The following FSTL5 variants were observed in gnomAD, a reference collection of about 807,000 sequenced individuals.
The protein encoded by FSTL5 is follistatin-related protein 5.
In FSTL5, 62 loss-of-function variants were observed where a neutral mutation model predicts 89.1. That is an observed-to-expected ratio of 0.70 (90% confidence interval 0.57 to 0.86). The LOEUF (loss-of-function observed/expected upper bound fraction) is 0.86. Among genes scored for constraint, FSTL5 ranks in the 40% least tolerant of loss-of-function variants. The pLI is 0.00. For missense variants in FSTL5, 1,057 were observed against 1,001.6 expected (o/e 1.06, Z -0.75); for synonymous variants, 383 against 346.2 (o/e 1.11, Z -1.18).
chr4:161,935,672 A>G (rs950822007), intron 3 of FSTL5, among the ~76,000 whole-genome samples: 3 of 152,050 alleles, frequency 2.0e-5, no homozygotes, highest in Non-Finnish European at 2.9e-5. Context: ...CCTCCTTTGC[A>G]CATGTCTCCA....
intron 15 of FSTL5, among the ~76,000 whole-genome samples, chr4:161,397,295 C>T (rs1578942403): frequency 6.6e-6 from 1 of 151,882 alleles, no homozygotes; most frequent in East Asian, 1.9e-4. Flanking sequence ...TACTACACTC[C>T]ATTGTTATAA....
chr4:161,669,399 A>C (rs1434015397), intron 6 of FSTL5, among the ~76,000 whole-genome samples: 1 of 152,138 alleles, frequency 6.6e-6, no homozygotes, highest in African/African-American at 2.4e-5. Flanking sequence ...GAGTTGCTAC[A>C]AAGCTACAAT....
chr4:161,494,195 T>C (rs1729985580), intron 12 of FSTL5, among the ~76,000 whole-genome samples: 1 of 152,112 alleles, frequency 6.6e-6, no homozygotes, highest in South Asian at 2.1e-4. Context: ...CTCACATTTT[T>C]ATCACTGTAT....
At chr4:162,096,540 C>T (rs1268705184) in intron 2 of FSTL5, among the ~76,000 whole-genome samples, 1 of 151,824 alleles carries the variant, frequency 6.6e-6, no homozygotes, top group Non-Finnish European at 1.5e-5. Flanking sequence ...CCCAAGTAAT[C>T]TTAAAGCTCA....
chr4:161,855,353 G>C (rs943502116), intron 4 of FSTL5, among the ~76,000 whole-genome samples: 5 of 151,876 alleles, frequency 3.3e-5, no homozygotes, highest in Non-Finnish European at 7.4e-5. Context: ...AGGTCCATAG[G>C]AATACATGGA....
rs369729546 is a variant in FSTL5, at chr4:161,399,404, A to G, written c.1842-12955T>C. On this transcript the variant is annotated intron_variant, in intron 15 of 15. Transcript: ENST00000306100. ...AGCTAGAGGAAAGAAAATGTTATTT[A>G]GAAAATCATAATGAAGAGAAAATAC... is the stretch of plus-strand genomic sequence containing the variant. Among the ~76,000 whole-genome samples the G allele has an allele frequency of 2.0e-5, 3 of 152,174 alleles. No individual in the cohort carries two copies. In the East Asian group the frequency reaches 5.8e-4, roughly 29 times the overall value.
rs1365456671 is a variant in FSTL5, at chr4:161,552,884, A to G, written c.1016-10191T>C. Among the ~76,000 whole-genome samples, 6 of 151,716 alleles carry G rather than the reference A, an allele frequency of 4.0e-5. No homozygotes were observed. In the Admixed American group the frequency reaches 4.0e-4, roughly 10 times the overall value. ...GACTGATGGCAGCCTGAATTAAAAA[A>G]GTCAATAATCCTCCACAGAACATTT... On this transcript the variant is annotated intron_variant, in intron 8 of 15. Coordinates refer to ENST00000306100, the MANE Select transcript of FSTL5 (RefSeq NM_020116.5).
intron 7 of FSTL5, among the ~76,000 whole-genome samples, chr4:161,636,011 G>A (rs1247477981): frequency 6.6e-6 from 1 of 150,584 alleles, no homozygotes; most frequent in Non-Finnish European, 1.5e-5. Flanking sequence ...GTTCCCTTGT[G>A]TAATTTTAGT....
intron 3 of FSTL5, among the ~76,000 whole-genome samples, chr4:161,988,852 T>G (rs1489893717): frequency 2.6e-5 from 4 of 152,142 alleles, no homozygotes; most frequent in African/African-American, 9.7e-5. Context: ...GATAATTTCT[T>G]GTGAATGCAA....
chr4:161,495,521 A>T lies in FSTL5; in HGVS notation c.1458+4495T>A, dbSNP rs887314707. The T allele has an allele frequency of 4.6e-5, 7 of 152,186 alleles. No homozygotes were observed. In the East Asian group the frequency reaches 1.3e-3, roughly 29 times the overall value. 9.4% of individuals were successfully genotyped at this position (152,186 alleles called of 1,614,324 possible). On this transcript the variant is annotated intron_variant, in intron 12 of 15. Coordinates refer to ENST00000306100, the MANE Select transcript of FSTL5 (RefSeq NM_020116.5). ...AAATAATCGTATCTAGTAAAGCTAC[A>T]TAACAAGATGGAATAAAAGATGAAA...
At chr4:161,633,588 G>T (rs182338801) in intron 7 of FSTL5, among the ~76,000 whole-genome samples, 2 of 151,818 alleles carry the variant, frequency 1.3e-5, no homozygotes, top group Admixed American at 6.6e-5. Context: ...CTCGTGATCC[G>T]CCTGCCTCGG....
chr4:161,472,765 G>A (rs1733991591), intron 13 of FSTL5, among the ~76,000 whole-genome samples: 1 of 147,086 alleles, frequency 6.8e-6, no homozygotes, highest in Non-Finnish European at 1.5e-5. Context: ...TCTCACTCTT[G>A]CCAGGCTGGA....
At chr4:162,126,353 T>G (rs910705655) in intron 1 of FSTL5, among the ~76,000 whole-genome samples, 2 of 152,096 alleles carry the variant, frequency 1.3e-5, no homozygotes, top group African/African-American at 2.4e-5. Context: ...TGTGAATAAT[T>G]CTAGAACTTT....
At chr4:161,996,315 A>G (rs1339047866) in intron 3 of FSTL5, among the ~76,000 whole-genome samples, 3 of 152,246 alleles carry the variant, frequency 2.0e-5, no homozygotes, top group Admixed American at 1.3e-4. Context: ...GCTCTGGCAG[A>G]ACTTGCTTTT....
At chr4:161,420,089 G>C (rs536914122) in intron 15 of FSTL5, among the ~76,000 whole-genome samples, 174 of 152,338 alleles carry the variant, frequency 1.1e-3, no homozygotes, top group African/African-American at 4.0e-3. Flanking sequence ...GCCCCTTGGG[G>C]CGTCTCTTAG....
intron 7 of FSTL5, among the ~76,000 whole-genome samples, chr4:161,654,740 G>A (rs570466713): frequency 1.3e-5 from 2 of 152,162 alleles, no homozygotes; most frequent in East Asian, 3.9e-4. Context: ...GAAAGGTGAT[G>A]GCTTTCTTGA....
intron 4 of FSTL5, among the ~76,000 whole-genome samples, chr4:161,892,002 A>T: frequency 6.7e-6 from 1 of 149,834 alleles, no homozygotes; most frequent in South Asian, 2.1e-4. Flanking sequence ...TTTTGCTTCA[A>T]TTTTTTTTTT....
chr4:161,983,835 G>T (rs1256551204), intron 3 of FSTL5, among the ~76,000 whole-genome samples: 1 of 151,930 alleles, frequency 6.6e-6, no homozygotes, highest in Non-Finnish European at 1.5e-5. Context: ...CATGATTTTG[G>T]GTCCTATAAA....
intron 4 of FSTL5, among the ~76,000 whole-genome samples, chr4:161,901,181 C>G (rs1207854077): frequency 6.8e-6 from 1 of 146,200 alleles, no homozygotes; most frequent in Non-Finnish European, 1.5e-5. Context: ...AATGGGAAAT[C>G]TAGACCAAAA....
Sources: gnomAD v4.1 joint callset for allele counts (sites outside exome capture counted in the v4.1 genomes callset) on GRCh38, gnomAD v4.1.1 for gene constraint, MANE v1.5 for transcripts, NCBI Gene and HGNC (gene_info 2026-07-23, HGNC 2026-07-21) for gene names.